The following FAT3 variants were observed in gnomAD, a reference collection of about 807,000 sequenced individuals.
The protein encoded by FAT3 is FAT atypical cadherin 3, also known as protocadherin Fat 3.
FAT3 carries 95 observed loss-of-function variants against 310.2 expected under a neutral mutation model. The observed-to-expected ratio is 0.31, with a 90% CI of 0.26 to 0.36. The LOEUF (loss-of-function observed/expected upper bound fraction) is 0.36. FAT3 is among the 10% of genes least tolerant of loss of function. The probability of loss-of-function intolerance (pLI) is 1.00; values close to 1 mark genes in which losing one functional copy is unlikely to be tolerated. For missense variants in FAT3, 5,408 were observed against 5,715.6 expected (o/e 0.95, Z 1.74); for synonymous variants, 2,314 against 2,192.9 (o/e 1.06, Z -1.54).
intron 3 of FAT3, among the ~76,000 whole-genome samples, chr11:92,585,602 G>A (rs1939100370): frequency 6.6e-6 from 1 of 151,948 alleles, no homozygotes; most frequent in Non-Finnish European, 1.5e-5. Context: ...AATCCCTATA[G>A]CAGTCTCCTA....
intron 1 of FAT3, among the ~76,000 whole-genome samples, chr11:92,306,737 A>T (rs1464624996): frequency 8.0e-6 from 1 of 124,928 alleles, no homozygotes; most frequent in Non-Finnish European, 1.6e-5. Flanking sequence ...ATATATATTT[A>T]TATATAAATA....
At chr11:92,701,223 C>A (rs1172731096) in intron 4 of FAT3, among the ~76,000 whole-genome samples, 1 of 152,156 alleles carries the variant, frequency 6.6e-6, no homozygotes, top group Non-Finnish European at 1.5e-5. Flanking sequence ...CTGGCAGGTA[C>A]ACTGCTGAAT....
intron 1 of FAT3, among the ~76,000 whole-genome samples, chr11:92,329,006 AAAG>A (rs1327911812): frequency 2.0e-5 from 3 of 152,180 alleles, no homozygotes; most frequent in African/African-American, 4.8e-5. Context: ...TTCAAACAAT[AAAG>A]AAGAATATGA....
At chr11:92,464,572 G>A (rs924428948) in intron 2 of FAT3, among the ~76,000 whole-genome samples, 2 of 152,204 alleles carry the variant, frequency 1.3e-5, no homozygotes, top group Non-Finnish European at 2.9e-5. Flanking sequence ...GGCATATAGG[G>A]CCCCTTAAAT....
chr11:92,884,446 C>T (rs1383576223), intron 24 of FAT3, among the ~76,000 whole-genome samples: 1 of 152,122 alleles, frequency 6.6e-6, no homozygotes. Flanking sequence ...CTAAAGGAAG[C>T]TTTGCTGTAA....
intron 2 of FAT3, among the ~76,000 whole-genome samples, chr11:92,488,453 C>A (rs868494754): frequency 3.8e-5 from 3 of 79,814 alleles, no homozygotes; most frequent in African/African-American, 1.4e-4. Context: ...TAGCACCGCC[C>A]CCCCCCCCGC....
chr11:92,466,903 G>C (rs558943963), intron 2 of FAT3, among the ~76,000 whole-genome samples: 1 of 151,608 alleles, frequency 6.6e-6, no homozygotes, highest in Non-Finnish European at 1.5e-5. Flanking sequence ...CCCTACAAAG[G>C]ACATGAACTC....
At chr11:92,585,162 G>A (rs1939066402) in intron 3 of FAT3, among the ~76,000 whole-genome samples, 1 of 152,042 alleles carries the variant, frequency 6.6e-6, no homozygotes, top group Admixed American at 6.6e-5. Flanking sequence ...TGTATGATAT[G>A]GACGTTGTAT....
chr11:92,585,753 T>C (rs1939113829), intron 3 of FAT3, among the ~76,000 whole-genome samples: 1 of 152,128 alleles, frequency 6.6e-6, no homozygotes, highest in Non-Finnish European at 1.5e-5. Context: ...TCTTAGCCAT[T>C]ATTCTCTGCT....
chr11:92,591,198 C>A (rs772164030), intron 3 of FAT3, among the ~76,000 whole-genome samples: 2 of 152,092 alleles, frequency 1.3e-5, no homozygotes, highest in Non-Finnish European at 2.9e-5. Context: ...CTTAAGATGG[C>A]CCTCTGGCTT....
intron 2 of FAT3, among the ~76,000 whole-genome samples, chr11:92,507,012 T>A (rs1365373985): frequency 6.6e-6 from 1 of 152,206 alleles, no homozygotes; most frequent in Non-Finnish European, 1.5e-5. Context: ...GCTGTGTGCA[T>A]ATGCACACTG....
chr11:92,569,268 G>A (rs572241), intron 3 of FAT3, among the ~76,000 whole-genome samples: 59,353 of 151,932 alleles, frequency 0.39, 12,314 homozygotes, highest in Middle Eastern at 0.53. Flanking sequence ...GATAACAAGC[G>A]TACCTATTTT....
chr11:92,540,740 TTTTTG>T (rs149679843), intron 3 of FAT3, among the ~76,000 whole-genome samples: 53,359 of 137,282 alleles, frequency 0.39, 10,220 homozygotes, highest in Non-Finnish European at 0.47. Context: ...CTATGGCATG[TTTTTG>T]TTTTGTTTTG....
In FAT3 at chr11:92,459,629, A is replaced by G. The variant is rs751175136; in HGVS notation, c.3293-65005A>G. Among the ~76,000 whole-genome samples the G allele has an allele frequency of 3.9e-5, 6 of 152,308 alleles. No individual in the cohort carries two copies. In the South Asian group the frequency reaches 1.0e-3, roughly 26 times the overall value. On this transcript the variant is annotated intron_variant, in intron 2 of 27. Transcript: ENST00000525166. ...AGTATTTGATGATAGAATGAAAAGT[A>G]TTGCACAGATAATTTTGGTCAAACC...
intron 2 of FAT3, among the ~76,000 whole-genome samples, chr11:92,448,219 A>T (rs1336357313): frequency 6.6e-6 from 1 of 152,204 alleles, no homozygotes; most frequent in Non-Finnish European, 1.5e-5. Flanking sequence ...AAATATAAGG[A>T]TTCATTAACT....
At chr11:92,229,338 C>G (rs1864047378) in intron 1 of FAT3, among the ~76,000 whole-genome samples, 1 of 138,906 alleles carries the variant, frequency 7.2e-6, no homozygotes, top group African/African-American at 2.6e-5. Flanking sequence ...ACAACTTTCT[C>G]TGGGAAGACT....
At chr11:92,789,203 G>A (rs767288037) in intron 7 of FAT3, among the ~76,000 whole-genome samples, 4 of 152,148 alleles carry the variant, frequency 2.6e-5, no homozygotes, top group Non-Finnish European at 5.9e-5. Flanking sequence ...CATGATGGGT[G>A]GGATTTGCTT....
chr11:92,263,347 A>G (rs1473284792), intron 1 of FAT3, among the ~76,000 whole-genome samples: 1 of 151,988 alleles, frequency 6.6e-6, no homozygotes, highest in Non-Finnish European at 1.5e-5. Context: ...CACCACACAC[A>G]CACATATTAT....
intron 3 of FAT3, among the ~76,000 whole-genome samples, chr11:92,531,857 C>T (rs1016986155): frequency 2.6e-5 from 4 of 151,898 alleles, no homozygotes; most frequent in African/African-American, 2.4e-5. Flanking sequence ...AATTCTTCGT[C>T]GTGGGGAGCT....
Sources: gnomAD v4.1 joint callset for allele counts (sites outside exome capture counted in the v4.1 genomes callset) on GRCh38, gnomAD v4.1.1 for gene constraint, MANE v1.5 for transcripts, NCBI Gene and HGNC (gene_info 2026-07-23, HGNC 2026-07-21) for gene names.